Variants in UNC5CL observed in about 807,000 individuals in gnomAD.
The protein encoded by UNC5CL is UNC5C-like protein.
Under a neutral mutation model 54.1 loss-of-function variants are expected in UNC5CL, and 42 were observed. That is an observed-to-expected ratio of 0.78 (90% CI 0.61 to 1.00). The LOEUF (loss-of-function observed/expected upper bound fraction) is 1.00. UNC5CL is among the 50% of genes least tolerant of loss of function. The pLI is 0.00. For missense variants in UNC5CL, 619 were observed against 675.6 expected (o/e 0.92, Z 0.93); for synonymous variants, 285 against 285.1 (o/e 1.00, Z 0.00).
chr6:41,028,209 G>T lies in UNC5CL; in HGVS notation c.*164C>A. 2.7e-6 allele frequency: 2 copies of T among 738,320 alleles called. No homozygotes were observed. The highest frequency in any genetic ancestry group is 4.2e-6 in the Non-Finnish European group (2 of 475,710). The allele number at this position is 738,320 out of a possible 1,614,324, so 45.7% of individuals were successfully genotyped here. On this transcript the variant is annotated 3_prime_UTR_variant, in exon 9 of 9. Coordinates refer to ENST00000244565, the MANE Select transcript of UNC5CL (RefSeq NM_173561.3). This position sits in a 1 kb window ranked among gnomAD's most constrained non-coding sequence, Gnocchi z 4.3. ...GGACAGCTCGCGGCCGGAAGGGCGC[G>T]CCTGCTGCTGGGAGGCTGGCGAGGA...
rs139498221 is a variant in UNC5CL, at chr6:41,033,612, C to T, written c.686+269G>A. On this transcript the variant is annotated intron_variant, in intron 3 of 8. Transcript: ENST00000244565. Reference sequence around the variant, plus strand: ...CAGAGAGAGATGGGAAAGACAGGTCCCTCTTAGATGGAGAGATGGTGCTGA... The same window carrying T: ...CAGAGAGAGATGGGAAAGACAGGTCTCTCTTAGATGGAGAGATGGTGCTGA... 361 of 552,492 alleles carry T rather than the reference C, an allele frequency of 6.5e-4. 1 individual carries two copies. The highest frequency in any genetic ancestry group is 6.2e-3 in the African/African-American group (330 of 53,082). 34.2% of individuals were successfully genotyped at this position (552,492 alleles called of 1,614,324 possible). A position where few individuals can be genotyped will look rare whatever the true frequency, so the allele number is the denominator to read the frequency against.
At position 41,028,525 on chromosome 6, in the gene UNC5CL, G is replaced by A; in HGVS notation, c.1405C>T (p.Gln469Ter). ...ACGGTCATGAGGTAGTGCAGCTCCTGCAGGCTGCCGTTCTGCTCCTCAAAC... is the reference window on the plus strand; with the variant it reads ...ACGGTCATGAGGTAGTGCAGCTCCTACAGGCTGCCGTTCTGCTCCTCAAAC... ...ELFEEQNGSL[Q>*]ELHYLMTVME... Residue 469 changes from glutamine to a stop codon, truncating the protein, a stop_gained, in exon 9 of 9, where the codon CAG (glutamine) becomes TAG (stop). Transcript: ENST00000244565. LOFTEE classifies it high-confidence loss of function. This position sits in a 1 kb window ranked among gnomAD's most constrained non-coding sequence, Gnocchi z 4.3. The A allele has an allele frequency of 1.2e-6, 2 of 1,613,788 alleles. No individual in the cohort carries two copies. The highest frequency in any genetic ancestry group is 1.7e-6 in the Non-Finnish European group (2 of 1,180,014).
intron 1 of UNC5CL, among the ~76,000 whole-genome samples, chr6:41,037,084 C>A (rs529005897): frequency 1.3e-3 from 196 of 152,234 alleles, no homozygotes; most frequent in Non-Finnish European, 2.1e-3. Flanking sequence ...CCTCTCCCTA[C>A]GTGGATCCTC....
At chr6:41,035,230 C>G (rs928058432) in intron 1 of UNC5CL, 95 bp from the exon 2 acceptor site, 2 of 893,918 alleles carry the variant, frequency 2.2e-6, no homozygotes, top group Non-Finnish European at 3.3e-6. Context: ...GTCTTCATTC[C>G]AGCGCACACT....
Position 41,032,563 on chromosome 6 carries a change from A to G in UNC5CL, c.949+321T>C, listed in dbSNP as rs188157803. Among the ~76,000 whole-genome samples, 256 of 152,328 alleles carry G rather than the reference A, an allele frequency of 1.7e-3. 1 individual carries two copies. Among genetic ancestry groups the G allele is most frequent in the Middle Eastern group, 0.01 (3 of 294 alleles). ...TACTTGAGGTCAGGGGTTCGAGACC[A>G]GCCTGGACAACATGATGAAACCCCG... is the stretch of plus-strand genomic sequence containing the variant. On this transcript the variant is annotated intron_variant, in intron 4 of 8. Transcript: ENST00000244565.
chr6:41,038,258 C>T (rs1762545148), intron 1 of UNC5CL, among the ~76,000 whole-genome samples: 1 of 152,186 alleles, frequency 6.6e-6, no homozygotes. Flanking sequence ...CACCCCACTA[C>T]ACCACACCCC....
Position 41,028,842 on chromosome 6 carries a change from C to G in UNC5CL, c.1335-247G>C, listed in dbSNP as rs1445704824. On this transcript the variant is annotated intron_variant, in intron 8 of 8. Coordinates refer to ENST00000244565, the MANE Select transcript of UNC5CL (RefSeq NM_173561.3). The surrounding 1 kb of genome is among the most constrained non-coding windows in gnomAD (Gnocchi z 4.3). Reference sequence around the variant, plus strand: ...ACTCCTCTCTAGGCTTCAGTTTCCTCTTATTAAGATGAGGGCTTAGACAAG... The same window carrying G: ...ACTCCTCTCTAGGCTTCAGTTTCCTGTTATTAAGATGAGGGCTTAGACAAG... Among the ~76,000 whole-genome samples the G allele has an allele frequency of 6.6e-6, 1 of 152,122 alleles. No homozygotes were observed. The highest frequency in any genetic ancestry group is 1.5e-5 in the Non-Finnish European group (1 of 68,006).
At chr6:41,031,476 G>A (rs564627784) in intron 6 of UNC5CL, among the ~76,000 whole-genome samples, 10 of 152,296 alleles carry the variant, frequency 6.6e-5, no homozygotes, top group Admixed American at 4.6e-4. Context: ...TTCATCCACC[G>A]ATAGACAAGG....
Position 41,029,020 on chromosome 6 carries a change from C to A in UNC5CL, c.1335-425G>T, listed in dbSNP as rs191898052. The stretch of plus-strand genomic sequence containing the variant: ...AACATCCTGCTCACTACTAAGGAAA[C>A]AGTTGCTGTAAACCATGGCTTTTTA... On this transcript the variant is annotated intron_variant, in intron 8 of 8. Transcript: ENST00000244565. The surrounding 1 kb of genome is among the most constrained non-coding windows in gnomAD (Gnocchi z 4.1). Among the ~76,000 whole-genome samples the A allele has an allele frequency of 6.6e-6, 1 of 150,612 alleles. No homozygotes were observed. Among genetic ancestry groups the A allele is most frequent in the East Asian group, 2.0e-4 (1 of 5,076 alleles).
chr6:41,032,896 A>G lies in UNC5CL; in HGVS notation c.937T>C (p.Tyr313His). ...ARGDQCLKLT[Y>H]ISEGWENVDD... ...CTGCCTCCCTCACCCTCTGAGATGT[A>G]CGTGAGCTTCAGGCACTGGTCGCCC... is the stretch of plus-strand genomic sequence containing the variant. Residue 313 changes from tyrosine to histidine, a missense_variant, in exon 4 of 9, where the codon TAC (tyrosine) becomes CAC (histidine). Transcript: ENST00000244565. The G allele has an allele frequency of 6.2e-7, 1 of 1,602,712 alleles. No individual in the cohort carries two copies. Among genetic ancestry groups the G allele is most frequent in the Non-Finnish European group, 8.5e-7 (1 of 1,174,612 alleles).
At position 41,029,328 on chromosome 6, in the gene UNC5CL, G is replaced by T. The variant is rs1359150155; in HGVS notation, c.1335-733C>A. ...TCTAGTTCACCCCTCCCAGGTGGAA[G>T]AGAACATTCTGCATCCCTCAGTTCA... On this transcript the variant is annotated intron_variant, in intron 8 of 8. Transcript: ENST00000244565. This position sits in a 1 kb window ranked among gnomAD's most constrained non-coding sequence, Gnocchi z 4.1. Among the ~76,000 whole-genome samples, 1 of 152,226 alleles carries T rather than the reference G, an allele frequency of 6.6e-6. No individual in the cohort carries two copies. Among genetic ancestry groups the T allele is most frequent in the Non-Finnish European group, 1.5e-5 (1 of 68,046 alleles).
rs550643216 is a variant in UNC5CL at position 41,029,017 on chromosome 6, A to T, written c.1335-422T>A. Among the ~76,000 whole-genome samples the T allele has an allele frequency of 2.0e-5, 3 of 147,176 alleles. No homozygotes were observed. The East Asian group carries it at 6.1e-4, about 30-fold the overall frequency. The stretch of plus-strand genomic sequence containing the variant: ...CACAACATCCTGCTCACTACTAAGG[A>T]AACAGTTGCTGTAAACCATGGCTTT... On this transcript the variant is annotated intron_variant, in intron 8 of 8. Coordinates refer to ENST00000244565, the MANE Select transcript of UNC5CL (RefSeq NM_173561.3). The surrounding 1 kb of genome is among the most constrained non-coding windows in gnomAD (Gnocchi z 4.1).
Position 41,029,705 on chromosome 6 carries a change from G to T in UNC5CL, c.1334+683C>A, listed in dbSNP as rs550805045. ...TAAAAAATTAGCTGGACATGGTGGC[G>T]TGTGCCTGTAATCCCAGCTACTCGG... On this transcript the variant is annotated intron_variant, in intron 8 of 8. Transcript: ENST00000244565. The surrounding 1 kb of genome is among the most constrained non-coding windows in gnomAD (Gnocchi z 4.1). Among the ~76,000 whole-genome samples, 1 of 152,284 alleles carries T rather than the reference G, an allele frequency of 6.6e-6. No individual in the cohort carries two copies. Among genetic ancestry groups the T allele is most frequent in the East Asian group, 1.9e-4 (1 of 5,182 alleles).
At chr6:41,032,216 G>A in intron 4 of UNC5CL, 79 bp from the exon 5 acceptor site, 2 of 1,217,208 alleles carry the variant, frequency 1.6e-6, no homozygotes, top group South Asian at 2.5e-5. Flanking sequence ...GGGGAGGCAT[G>A]AGGACAGAAC....
rs145562908 is a variant in UNC5CL, at chr6:41,026,899, A to C, written c.*1474T>G. On this transcript the variant is annotated 3_prime_UTR_variant, in exon 9 of 9. Coordinates refer to ENST00000244565, the MANE Select transcript of UNC5CL (RefSeq NM_173561.3). ...CAAAGGAAGGCAATTTTCATATTTT[A>C]TCATTCATCATAGAAAAAAAGCTTT... 2 of 152,338 alleles carry C rather than the reference A, an allele frequency of 1.3e-5. No homozygotes were observed. Among genetic ancestry groups the C allele is most frequent in the African/African-American group, 4.8e-5 (2 of 41,574 alleles). 9.4% of individuals were successfully genotyped at this position (152,338 alleles called of 1,614,324 possible).
At chr6:41,031,339 T>C (rs1352575782) in intron 6 of UNC5CL, among the ~76,000 whole-genome samples, 1 of 152,228 alleles carries the variant, frequency 6.6e-6, no homozygotes, top group African/African-American at 2.4e-5. Flanking sequence ...ACACTGAAGA[T>C]ACCAAACATC....
At position 41,031,696 on chromosome 6, in the gene UNC5CL, C is replaced by T; in HGVS notation, c.1104G>A (p.Met368Ile). The change falls in exon 6 of 9, where the codon ATG becomes ATA. Residue 368 changes from methionine to isoleucine, a missense_variant. Physicochemically the swap from Met to Ile is conservative, Grantham distance 10. Transcript: ENST00000244565. ...SALTNEIIVTMHTFQDGLETK... is the reference protein window; with the variant it reads ...SALTNEIIVTIHTFQDGLETK... ...TCCAACTCACATCCTGGAAGGTGTG[C>T]ATGGTGACAATGATCTCATTGGTTA... is the stretch of plus-strand genomic sequence containing the variant. 1.9e-6 allele frequency: 3 copies of T among 1,614,158 alleles called. No homozygotes were observed. The highest frequency in any genetic ancestry group is 2.5e-6 in the Non-Finnish European group (3 of 1,180,016).
chr6:41,035,838 T>C (rs1762517293), intron 1 of UNC5CL, among the ~76,000 whole-genome samples: 1 of 152,164 alleles, frequency 6.6e-6, no homozygotes, highest in South Asian at 2.1e-4. Context: ...TTTCAGCCAG[T>C]TTTCTATCTG....
At chr6:41,030,553 C>G (rs1762442443) in intron 7 of UNC5CL, 52 bp from the exon 8 acceptor site, 1 of 1,611,420 alleles carries the variant, frequency 6.2e-7, no homozygotes, top group South Asian at 1.1e-5. Flanking sequence ...CAGACCCACT[C>G]TGGTTCTCCC....
Sources: gnomAD v4.1 joint callset for allele counts (sites outside exome capture counted in the v4.1 genomes callset) on GRCh38, gnomAD v4.1.1 for gene constraint, Gnocchi (gnomAD v3.1) non-coding constraint, MANE v1.5 for transcripts, NCBI Gene and HGNC (gene_info 2026-07-23, HGNC 2026-07-21) for gene names.